Variants in SCAI observed in about 807,000 individuals in gnomAD.
SCAI encodes protein SCAI.
Under a neutral mutation model 92.2 loss-of-function variants are expected in SCAI, and 24 were observed. That is an observed-to-expected ratio of 0.26 (90% CI 0.19 to 0.37). SCAI has a LOEUF of 0.37. Ranked by LOEUF, SCAI falls within the 10% of genes least tolerant of loss-of-function variation. SCAI has a pLI of 1.00. For missense variants in SCAI, 450 were observed against 736.2 expected, an observed-to-expected ratio of 0.61 and a Z score of 4.50; for synonymous variants, 261 against 258.6, an observed-to-expected ratio of 1.01 and a Z score of -0.09.
intron 2 of SCAI, among the ~76,000 whole-genome samples, chr9:125,101,155 C>G (rs1020628887): frequency 6.6e-6 from 1 of 152,162 alleles, no homozygotes; most frequent in Non-Finnish European, 1.5e-5. Flanking sequence ...ACTGAAGAAC[C>G]AGTTCACGCA....
intron 2 of SCAI, among the ~76,000 whole-genome samples, chr9:125,108,290 C>G (rs1834851882): frequency 6.6e-6 from 1 of 152,212 alleles, no homozygotes; most frequent in South Asian, 2.1e-4. Flanking sequence ...TGCCTGGCCG[C>G]CCATCATCTG....
chr9:125,043,223 A>G (rs1417336228), intron 3 of SCAI, among the ~76,000 whole-genome samples: 1 of 152,136 alleles, frequency 6.6e-6, no homozygotes, highest in Admixed American at 6.5e-5. Context: ...GTCAAAGGCA[A>G]AGGAATAAGC....
intron 9 of SCAI, among the ~76,000 whole-genome samples, chr9:125,015,233 G>A (rs1309455292): frequency 6.6e-6 from 1 of 152,128 alleles, no homozygotes; most frequent in Non-Finnish European, 1.5e-5. Context: ...ACTACCATCA[G>A]AATGAACAGG....
chr9:125,072,602 C>G (rs1179512841), intron 2 of SCAI, among the ~76,000 whole-genome samples: 1 of 152,006 alleles, frequency 6.6e-6, no homozygotes, highest in Admixed American at 6.6e-5. Context: ...TGAATACATC[C>G]ATAGCATTGT....
chr9:124,964,684 T>G (rs1456955903), intron 17 of SCAI, among the ~76,000 whole-genome samples: 1 of 152,212 alleles, frequency 6.6e-6, no homozygotes, highest in Non-Finnish European at 1.5e-5. Flanking sequence ...TTAATGGGGT[T>G]CTGGACAGCC....
At chr9:124,998,904 C>T (rs918684226) in intron 13 of SCAI, among the ~76,000 whole-genome samples, 8 of 151,370 alleles carry the variant, frequency 5.3e-5, no homozygotes, top group Admixed American at 2.0e-4. Context: ...AGGTGTGAGC[C>T]ACTGCTATCA....
At chr9:125,064,675 G>A (rs868314946) in intron 2 of SCAI, among the ~76,000 whole-genome samples, 2 of 151,960 alleles carry the variant, frequency 1.3e-5, no homozygotes, top group East Asian at 1.9e-4. Flanking sequence ...GTGAAATCCC[G>A]TCTCTACTAA....
intron 3 of SCAI, among the ~76,000 whole-genome samples, chr9:125,032,186 TATATATATA>T (rs1439474042): frequency 1.2e-5 from 1 of 81,952 alleles, no homozygotes; most frequent in African/African-American, 5.0e-5. Flanking sequence ...TATATATATA[TATATATATA>T]TTTTTTTTTT....
At chr9:125,032,187 A>ATT in intron 3 of SCAI, among the ~76,000 whole-genome samples, 1 of 79,804 alleles carries the variant, frequency 1.3e-5, no homozygotes, top group African/African-American at 6.0e-5. Context: ...ATATATATAT[A>ATT]TATATATATT....
intron 17 of SCAI, among the ~76,000 whole-genome samples, chr9:124,955,106 T>C (rs902601506): frequency 6.7e-6 from 1 of 150,354 alleles, no homozygotes; most frequent in African/African-American, 2.5e-5. Context: ...AGGCGGAGGT[T>C]GCAGTGAGCC....
intron 17 of SCAI, among the ~76,000 whole-genome samples, chr9:124,953,434 C>G (rs1275566510): frequency 6.6e-6 from 1 of 152,098 alleles, no homozygotes; most frequent in Non-Finnish European, 1.5e-5. Context: ...TGAGACCAGC[C>G]TGGCCAACAT....
At chr9:124,986,360 A>C (rs1020689739) in intron 14 of SCAI, among the ~76,000 whole-genome samples, 2 of 152,242 alleles carry the variant, frequency 1.3e-5, no homozygotes, top group Non-Finnish European at 2.9e-5. Flanking sequence ...TATCAACATG[A>C]AAAATACCAT....
intron 2 of SCAI, among the ~76,000 whole-genome samples, chr9:125,139,386 C>T (rs1416800213): frequency 6.6e-6 from 1 of 152,048 alleles, no homozygotes; most frequent in Admixed American, 6.5e-5. Context: ...GCACTCCACC[C>T]TGAAGTGAGA....
At chr9:125,098,364 A>G (rs572020293) in intron 2 of SCAI, among the ~76,000 whole-genome samples, 2 of 152,254 alleles carry the variant, frequency 1.3e-5, no homozygotes, top group African/African-American at 4.8e-5. Flanking sequence ...GCACATATTT[A>G]GAACATGACA....
chr9:125,057,654 G>T (rs1588184541), intron 2 of SCAI, among the ~76,000 whole-genome samples: 1 of 152,344 alleles, frequency 6.6e-6, no homozygotes, highest in Non-Finnish European at 1.5e-5. Flanking sequence ...AGCTTGCACA[G>T]GATGTTGAAG....
At chr9:125,095,176 G>A (rs1477075617) in intron 2 of SCAI, among the ~76,000 whole-genome samples, 1 of 152,068 alleles carries the variant, frequency 6.6e-6, no homozygotes, top group African/African-American at 2.4e-5. Context: ...GGTATAAATG[G>A]TCCAGCCATT....
chr9:125,112,623 A>G (rs2131234496), intron 2 of SCAI, among the ~76,000 whole-genome samples: 1 of 152,364 alleles, frequency 6.6e-6, no homozygotes, highest in South Asian at 2.1e-4. Flanking sequence ...GATGTCATCA[A>G]TCATCACAGG....
intron 13 of SCAI, among the ~76,000 whole-genome samples, chr9:124,998,033 G>A (rs1256084675): frequency 6.6e-6 from 1 of 152,024 alleles, no homozygotes. Flanking sequence ...TCAAACTCCT[G>A]GGTTCATGTG....
intron 2 of SCAI, among the ~76,000 whole-genome samples, chr9:125,071,114 G>A (rs528948762): frequency 6.6e-5 from 10 of 152,262 alleles, no homozygotes; most frequent in Admixed American, 4.6e-4. Flanking sequence ...AGGCCTCCTA[G>A]CTACATGGAG....
Sources: allele counts gnomAD v4.1 joint callset (sites outside exome capture counted in the v4.1 genomes callset), GRCh38; gene constraint gnomAD v4.1.1; transcripts MANE v1.5; gene names NCBI Gene and HGNC (gene_info 2026-07-23, HGNC 2026-07-21).